LUC7L2: variants seen among roughly 807,000 people sequenced by gnomAD.
The protein encoded by LUC7L2 is putative RNA-binding protein Luc7-like 2.
Under a neutral mutation model 52.8 loss-of-function variants are expected in LUC7L2, and 25 were observed. The ratio of observed to expected loss-of-function variants is 0.47; its 90% confidence interval spans 0.34 to 0.66. LUC7L2 has a LOEUF of 0.66. Ranked by LOEUF, LUC7L2 falls within the 30% of genes least tolerant of loss-of-function variation. LUC7L2 has a pLI of 0.01. For missense variants in LUC7L2, 328 were observed against 497.8 expected (o/e 0.66, Z 3.25); for synonymous variants, 144 against 160.9 (o/e 0.89, Z 0.80).
intron 1 of LUC7L2, chr7:139,363,073 G>A (rs1237113531): frequency 9.6e-6 from 2 of 208,514 alleles, no homozygotes; most frequent in South Asian, 1.7e-4. Flanking sequence ...GCATGATGGT[G>A]CCGGGAGGCT....
intron 2 of LUC7L2, among the ~76,000 whole-genome samples, chr7:139,381,920 C>G (rs1477454223): frequency 3.5e-5 from 4 of 113,022 alleles, no homozygotes; most frequent in Admixed American, 1.1e-4. Flanking sequence ...GATTCTTGCT[C>G]TGACACCAGG....
intron 1 of LUC7L2, chr7:139,345,588 C>T: frequency 6.2e-7 from 1 of 1,614,150 alleles, no homozygotes; most frequent in Non-Finnish European, 8.5e-7. Context: ...CATCCGGAAA[C>T]ATGTGGCCCT....
At chr7:139,379,865 C>T (rs1241768184) in intron 2 of LUC7L2, among the ~76,000 whole-genome samples, 1 of 151,984 alleles carries the variant, frequency 6.6e-6, no homozygotes, top group Non-Finnish European at 1.5e-5. Context: ...TGTGCCTGGT[C>T]TGGCATAACT....
At chr7:139,365,590 C>T (rs374972888) in intron 1 of LUC7L2, among the ~76,000 whole-genome samples, 38 of 152,084 alleles carry the variant, frequency 2.5e-4, no homozygotes, top group East Asian at 1.2e-3. Context: ...GTGAGTTCAG[C>T]AAGCAGGAGG....
rs116364077 is a variant in LUC7L2 at position 139,420,624 on chromosome 7, A to G, written c.1002-1539A>G. ...AGTAAAATAGTATATGGAAACCACT[A>G]TGTGTGGGACATAGTAGTTGATACT... On this transcript the variant is annotated intron_variant, in intron 9 of 9. Coordinates refer to ENST00000354926, the MANE Select transcript of LUC7L2 (RefSeq NM_016019.5). Among the ~76,000 whole-genome samples, 299 of 152,340 alleles carry G rather than the reference A, an allele frequency of 2.0e-3. 1 individual carries two copies. The highest frequency in any genetic ancestry group is 6.8e-3 in the Middle Eastern group (2 of 294).
chr7:139,372,215 T>C (rs887634968), intron 1 of LUC7L2, among the ~76,000 whole-genome samples: 1 of 151,638 alleles, frequency 6.6e-6, no homozygotes. Flanking sequence ...CAGAAGTAAC[T>C]TCGCCTGATC....
chr7:139,361,476 C>A (rs2131178026), intron 1 of LUC7L2, among the ~76,000 whole-genome samples: 1 of 152,308 alleles, frequency 6.6e-6, no homozygotes, highest in East Asian at 1.9e-4. Context: ...TTATTGCATT[C>A]AAATCTTTCA....
chr7:139,360,355 A>C, intron 1 of LUC7L2, 33 bp downstream of exon 1: 12 of 1,268,818 alleles, frequency 9.5e-6, no homozygotes, highest in Non-Finnish European at 1.2e-5. Flanking sequence ...GGGGTGGGGG[A>C]GGGGACGGGG....
At chr7:139,380,523 C>A (rs774559981) in intron 2 of LUC7L2, among the ~76,000 whole-genome samples, 1 of 152,064 alleles carries the variant, frequency 6.6e-6, no homozygotes, top group Non-Finnish European at 1.5e-5. Context: ...TCGCTCAAAC[C>A]CTGGAGGTGG....
chr7:139,341,471 T>C, intron 1 of LUC7L2: 1 of 1,613,768 alleles, frequency 6.2e-7, no homozygotes, highest in Non-Finnish European at 8.5e-7. Flanking sequence ...GCCGACCCTA[T>C]CGCGACACCG....
chr7:139,414,166 C>T (rs1203640867), intron 8 of LUC7L2, among the ~76,000 whole-genome samples: 1 of 152,164 alleles, frequency 6.6e-6, no homozygotes, highest in African/African-American at 2.4e-5. Context: ...ATTTTTCACA[C>T]GTCAGCCAGG....
chr7:139,390,714 C>T (rs1664623802), intron 2 of LUC7L2, among the ~76,000 whole-genome samples: 1 of 152,004 alleles, frequency 6.6e-6, no homozygotes, highest in Non-Finnish European at 1.5e-5. Flanking sequence ...CACCACCATG[C>T]CCGGCTAATT....
chr7:139,384,527 A>G (rs1192914546), intron 2 of LUC7L2, among the ~76,000 whole-genome samples: 2 of 152,168 alleles, frequency 1.3e-5, no homozygotes, highest in East Asian at 3.8e-4. Flanking sequence ...ATTCTCAACT[A>G]TTTCTAGAGA....
At chr7:139,360,462 TC>T in intron 1 of LUC7L2, 140 bp downstream of exon 1, 1 of 708,586 alleles carries the variant, frequency 1.4e-6, no homozygotes, top group Non-Finnish European at 2.3e-6. Context: ...CCGTCCCCCG[TC>T]CCATCCAATC....
chr7:139,363,766 G>A (rs1056862496), intron 1 of LUC7L2, among the ~76,000 whole-genome samples: 4 of 152,198 alleles, frequency 2.6e-5, no homozygotes, highest in African/African-American at 9.6e-5. Context: ...TTTGAGAATT[G>A]TCTGTGTGAC....
At chr7:139,394,894 A>G (rs1794594437) in intron 2 of LUC7L2, among the ~76,000 whole-genome samples, 1 of 152,232 alleles carries the variant, frequency 6.6e-6, no homozygotes, top group South Asian at 2.1e-4. Flanking sequence ...GACTAAAACT[A>G]GATCAGTGAG....
chr7:139,422,011 T>A, intron 9 of LUC7L2, 152 bp from the exon 10 acceptor site: 1 of 1,227,256 alleles, frequency 8.1e-7, no homozygotes, highest in African/African-American at 1.5e-5. Context: ...ACTATGGTAG[T>A]GCTCTGTAAT....
At chr7:139,407,640 ATTG>A (rs1469059311) in intron 6 of LUC7L2, among the ~76,000 whole-genome samples, 3 of 152,108 alleles carry the variant, frequency 2.0e-5, no homozygotes, top group African/African-American at 4.8e-5. Flanking sequence ...CTTCATTGTT[ATTG>A]TTCTTTTCAA....
intron 3 of LUC7L2, among the ~76,000 whole-genome samples, chr7:139,401,005 T>C (rs549720205): frequency 2.0e-5 from 3 of 152,246 alleles, no homozygotes; most frequent in Non-Finnish European, 2.9e-5. Context: ...GAATTAGTTA[T>C]ATTTCTGTAC....
Sources: allele counts gnomAD v4.1 joint callset (sites outside exome capture counted in the v4.1 genomes callset), GRCh38; gene constraint gnomAD v4.1.1; transcripts MANE v1.5; gene names NCBI Gene and HGNC (gene_info 2026-07-23, HGNC 2026-07-21).